ZNF257: variants seen among roughly 807,000 people sequenced by gnomAD.
The protein encoded by ZNF257 is bone marrow zinc finger 4.
A neutral mutation model predicts 11.9 loss-of-function variants in ZNF257; 12 were observed. That is an observed-to-expected ratio of 1.01 (90% CI 0.65 to 1.63). The LOEUF (loss-of-function observed/expected upper bound fraction) is 1.63. Ranked by LOEUF, ZNF257 falls within the 40% of genes most tolerant of loss-of-function variation. The pLI is 0.00. For synonymous variants in ZNF257, 183 were observed against 222.7 expected, an observed-to-expected ratio of 0.82 and a Z score of 1.59; for missense variants, 580 against 665.5, an observed-to-expected ratio of 0.87 and a Z score of 1.41.
intron 1 of ZNF257, among the ~76,000 whole-genome samples, chr19:22,062,314 C>T (rs1306323943): frequency 4.8e-5 from 7 of 145,920 alleles, no homozygotes; most frequent in Admixed American, 1.4e-4. Context: ...TTCGTAGAGA[C>T]GGGGTTTCAC....
intron 3 of ZNF257, among the ~76,000 whole-genome samples, chr19:22,086,969 G>T (rs969776804): frequency 4.6e-5 from 7 of 150,704 alleles, no homozygotes; most frequent in Non-Finnish European, 8.9e-5. Flanking sequence ...TTTAGAATTG[G>T]TTAATTATCT....
chr19:22,083,277 C>T (rs1179787307), intron 3 of ZNF257, among the ~76,000 whole-genome samples: 1 of 152,024 alleles, frequency 6.6e-6, no homozygotes, highest in Non-Finnish European at 1.5e-5. Context: ...TGAGACCAGC[C>T]TGGCCAAAGT....
chr19:22,061,583 C>G (rs1294091329), intron 1 of ZNF257, among the ~76,000 whole-genome samples: 1 of 150,910 alleles, frequency 6.6e-6, no homozygotes, highest in Non-Finnish European at 1.5e-5. Flanking sequence ...TGTCTGCACA[C>G]AAAGATCGTT....
chr19:22,054,048 G>A (rs910603132), intron 1 of ZNF257, among the ~76,000 whole-genome samples: 7 of 151,464 alleles, frequency 4.6e-5, no homozygotes, highest in Non-Finnish European at 8.8e-5. Flanking sequence ...AAGCCACAGG[G>A]GACTAATTTT....
intron 1 of ZNF257, among the ~76,000 whole-genome samples, chr19:22,061,923 G>A (rs1201588977): frequency 2.6e-5 from 4 of 151,112 alleles, no homozygotes; most frequent in African/African-American, 9.7e-5. Flanking sequence ...CTTTCATTAT[G>A]TTTATGTAAT....
intron 3 of ZNF257, among the ~76,000 whole-genome samples, chr19:22,082,450 A>C (rs1208757010): frequency 1.3e-5 from 2 of 152,198 alleles, no homozygotes; most frequent in Admixed American, 1.3e-4. Context: ...GTAAGATTAC[A>C]GGCATGAGCC....
At chr19:22,071,146 G>C (rs777669457) in intron 1 of ZNF257, among the ~76,000 whole-genome samples, 1 of 152,130 alleles carries the variant, frequency 6.6e-6, no homozygotes, top group Non-Finnish European at 1.5e-5. Flanking sequence ...TGTTCTGTTT[G>C]GGTTTGGGAG....
chr19:22,053,084 C>G (rs1971738409), intron 1 of ZNF257, among the ~76,000 whole-genome samples: 1 of 152,028 alleles, frequency 6.6e-6, no homozygotes, highest in Non-Finnish European at 1.5e-5. Flanking sequence ...AAGAGTGATT[C>G]AAAAATCCGG....
rs2022524469 is a variant in ZNF257 at position 22,088,250 on chromosome 19, A to G, written c.500A>G (p.His167Arg). ...AATTCAGATAGACATAAGATAAGAC[A>G]TACTGAAAAGAAAACTTGCAAATGT... The part of the protein sequence containing the change: ...FSNSDRHKIR[H>R]TEKKTCKCKE... Residue 167 changes from histidine to arginine, a missense_variant, in exon 4 of 4, where the codon CAT becomes CGT. Transcript: ENST00000594947. 6.2e-7 allele frequency: 1 copy of G among 1,613,096 alleles called. No individual in the cohort carries two copies. Among genetic ancestry groups the G allele is most frequent in the South Asian group, 1.1e-5 (1 of 91,014 alleles).
rs1568477692 is a variant in ZNF257, at chr19:22,054,093, G to GTT, written c.3+1458_3+1459insTT. Among the ~76,000 whole-genome samples, 784 of 143,650 alleles carry GTT rather than the reference G, an allele frequency of 5.5e-3. 2 individuals carry two copies. Among genetic ancestry groups the GTT allele is most frequent in the African/African-American group, 0.019 (718 of 38,604 alleles). The allele number at this position is 143,650 out of a possible 152,430, so 94.2% of individuals were successfully genotyped here. A position where few individuals can be genotyped will look rare whatever the true frequency, so the allele number is the denominator to read the frequency against. On this transcript the variant is annotated intron_variant, in intron 1 of 3. Transcript: ENST00000594947. Reference sequence around the variant, plus strand: ...TGTTTTTCTTTTTTTTTTTTTTTAAGAAGGAGTTTCACTCTGTCACCCAGG... The same window carrying GTT: ...TGTTTTTCTTTTTTTTTTTTTTTAAGTTAAGGAGTTTCACTCTGTCACCCAGG...
Position 22,088,351 on chromosome 19 carries a change from C to T in ZNF257, c.601C>T (p.His201Tyr), listed in dbSNP as rs1286748685. The T allele has an allele frequency of 1.2e-6, 2 of 1,613,508 alleles. No individual in the cohort carries two copies. The highest frequency in any genetic ancestry group is 1.3e-5 in the African/African-American group (1 of 74,970). ...HKRIHIRENS[H>Y]KCEECGKAFN... ...GAGAATTCATATTAGAGAGAATTCC[C>T]ACAAATGTGAAGAATGTGGCAAAGC... Residue 201 changes from histidine to tyrosine, a missense_variant, in exon 4 of 4, where the codon CAC becomes TAC. His to Tyr is a moderately conservative substitution (Grantham distance 83). Transcript: ENST00000594947.
At chr19:22,059,134 A>T (rs958397487) in intron 1 of ZNF257, among the ~76,000 whole-genome samples, 17 of 152,198 alleles carry the variant, frequency 1.1e-4, no homozygotes, top group Admixed American at 9.8e-4. Context: ...AAACTAACTC[A>T]TGGATTTTTT....
chr19:22,071,078 C>G (rs1465703596), intron 1 of ZNF257, among the ~76,000 whole-genome samples: 1 of 151,946 alleles, frequency 6.6e-6, no homozygotes, highest in East Asian at 1.9e-4. Flanking sequence ...ATGAAGGGTT[C>G]AAGGCATTCA....
chr19:22,088,735 T>TC lies in ZNF257; in HGVS notation c.986dup (p.Ala330SerfsTer6). The TC allele has an allele frequency of 6.2e-7, 1 of 1,611,570 alleles. No individual in the cohort carries two copies. Among genetic ancestry groups the TC allele is most frequent in the Non-Finnish European group, 8.5e-7 (1 of 1,179,542 alleles). Reference sequence around the variant, plus strand: ...GTGTGGCAAAGCCTTTAACCAGTCCTCAGCCCTTACTCGACATAAGATGAT... The same window carrying TC: ...GTGTGGCAAAGCCTTTAACCAGTCCTCCAGCCCTTACTCGACATAAGATGAT... On this transcript the variant is annotated frameshift_variant, in exon 4 of 4. Coordinates refer to ENST00000594947, the MANE Select transcript of ZNF257 (RefSeq NM_033468.4). LOFTEE classifies it low-confidence loss of function (END_TRUNC).
At chr19:22,058,288 A>G (rs937179728) in intron 1 of ZNF257, among the ~76,000 whole-genome samples, 2 of 150,534 alleles carry the variant, frequency 1.3e-5, no homozygotes, top group Non-Finnish European at 3.0e-5. Context: ...TTTTTGTCCT[A>G]TACATTTATT....
At chr19:22,061,407 G>A (rs2021791430) in intron 1 of ZNF257, among the ~76,000 whole-genome samples, 5 of 152,148 alleles carry the variant, frequency 3.3e-5, no homozygotes. Context: ...AGTTGTGAAT[G>A]AGATTTTGTT....
Position 22,054,914 on chromosome 19 carries a change from CTTTTTTT to C in ZNF257, c.3+2293_3+2299del, listed in dbSNP as rs58547883. On this transcript the variant is annotated intron_variant, in intron 1 of 3. Coordinates refer to ENST00000594947, the MANE Select transcript of ZNF257 (RefSeq NM_033468.4). ...ATCTAGTGGATATCAGCTACTGGGT[CTTTTTTT>C]TTTTTTTTTTTTTCTTCTTATAGCA... 8.9e-4 allele frequency among the ~76,000 whole-genome samples: 98 copies of C among 110,634 alleles called. 1 individual carries two copies. The highest frequency in any genetic ancestry group is 3.0e-3 in the African/African-American group (92 of 30,376). The allele number at this position is 110,634 out of a possible 152,430, so 72.6% of individuals were successfully genotyped here. A position where few individuals can be genotyped will look rare whatever the true frequency, so the allele number is the denominator to read the frequency against.
At chr19:22,059,803 G>T (rs539065502) in intron 1 of ZNF257, among the ~76,000 whole-genome samples, 2 of 151,718 alleles carry the variant, frequency 1.3e-5, no homozygotes, top group East Asian at 3.9e-4. Flanking sequence ...GTTCAATGAA[G>T]CCTCAATCTC....
intron 1 of ZNF257, among the ~76,000 whole-genome samples, chr19:22,065,048 C>T (rs988867006): frequency 5.9e-5 from 8 of 134,926 alleles, no homozygotes; most frequent in African/African-American, 1.3e-4. Context: ...AACGAGACTC[C>T]GCCTCAAAAA....
Sources: allele counts gnomAD v4.1 joint callset (sites outside exome capture counted in the v4.1 genomes callset), GRCh38; gene constraint gnomAD v4.1.1; transcripts MANE v1.5; gene names NCBI Gene and HGNC (gene_info 2026-07-23, HGNC 2026-07-21).